The following PIN4 variants were observed in gnomAD, a reference collection of about 807,000 sequenced individuals.
The protein encoded by PIN4 is peptidylprolyl cis/trans isomerase, NIMA-interacting 4, also known as peptidyl-prolyl cis-trans isomerase NIMA-interacting 4.
In PIN4, 3 loss-of-function variants were observed where a neutral mutation model predicts 8.3. The observed-to-expected ratio is 0.36, with a 90% CI of 0.16 to 0.93. PIN4 has a LOEUF of 0.93. Among genes scored for constraint, PIN4 ranks in the 40% least tolerant of loss-of-function variants. PIN4 has a pLI of 0.44. For synonymous variants in PIN4, 18 were observed against 32.5 expected, an observed-to-expected ratio of 0.55 and a Z score of 1.52; for missense variants, 75 against 100.6, an observed-to-expected ratio of 0.75 and a Z score of 1.09.
intron 3 of PIN4, among the ~76,000 whole-genome samples, chrX:72,232,772 T>G (rs1195389930): frequency 9.0e-6 from 1 of 111,541 alleles, no homozygotes; most frequent in East Asian, 2.8e-4. Context: ...ATCGCGTCAT[T>G]GTACTCCAGC....
At chrX:72,236,693 T>C (rs1356278627) in intron 3 of PIN4, among the ~76,000 whole-genome samples, 1 of 112,275 alleles carries the variant, frequency 8.9e-6, no homozygotes, top group Admixed American at 9.5e-5. Flanking sequence ...CAGTAGGTTC[T>C]TGGCAACTGC....
chrX:72,218,006 C>A (rs993456757), intron 3 of PIN4, among the ~76,000 whole-genome samples: 4 of 111,443 alleles, frequency 3.6e-5, no homozygotes, highest in Non-Finnish European at 5.6e-5. Flanking sequence ...CGCGGTGGCT[C>A]ATGCCTGTAA....
intron 3 of PIN4, among the ~76,000 whole-genome samples, chrX:72,235,445 G>A (rs1429068355): frequency 3.9e-5 from 4 of 101,757 alleles, no homozygotes; most frequent in Non-Finnish European, 7.9e-5. Context: ...GCCTAGGCTG[G>A]AGTGCAACGG....
intron 3 of PIN4, among the ~76,000 whole-genome samples, chrX:72,238,426 T>C (rs982918305): frequency 9.0e-6 from 1 of 111,553 alleles, no homozygotes; most frequent in Non-Finnish European, 1.9e-5. Flanking sequence ...ATTATACCTC[T>C]TACAGCACTT....
intron 3 of PIN4, among the ~76,000 whole-genome samples, chrX:72,261,585 G>A (rs144274601): frequency 0.023 from 2,535 of 111,886 alleles, 31 homozygotes; most frequent in Non-Finnish European, 0.031. Context: ...CCCTGGTAGC[G>A]TTGTTGTGAG....
chrX:72,261,020 G>A (rs751062414), intron 3 of PIN4, among the ~76,000 whole-genome samples: 2 of 111,544 alleles, frequency 1.8e-5, no homozygotes, highest in Admixed American at 9.6e-5. Flanking sequence ...AAATTTAGCC[G>A]GGCGCGGTGG....
chrX:72,200,864 C>T (rs948952390), downstream of PIN4, among the ~76,000 whole-genome samples: 5 of 112,107 alleles, frequency 4.5e-5, no homozygotes, highest in African/African-American at 1.6e-4. Context: ...TTGTGCCTTG[C>T]AGCCTTTGGC....
chrX:72,186,116 A>T, intron 1 of PIN4: 2 of 276,648 alleles, frequency 7.2e-6, no homozygotes, highest in South Asian at 7.3e-5. Flanking sequence ...AAGCTTGTCC[A>T]ACCCACGGCC....
chrX:72,262,833 C>A, exon 4 of PIN4: 1 of 767,144 alleles, frequency 1.3e-6, no homozygotes, highest in South Asian at 2.5e-5. Flanking sequence ...CTCATCTATT[C>A]AATGTTGATT....
intron 3 of PIN4, chrX:72,207,359 T>C: frequency 8.3e-7 from 1 of 1,211,650 alleles, no homozygotes; most frequent in East Asian, 3.0e-5. Flanking sequence ...CGCAGCCTCT[T>C]AAGTAGGTCC....
At chrX:72,219,681 CTACTAAAAA>C (rs2042910731) in intron 3 of PIN4, among the ~76,000 whole-genome samples, 2 of 108,882 alleles carry the variant, frequency 1.8e-5, no homozygotes, top group Non-Finnish European at 3.8e-5. Flanking sequence ...AGCCCCGCCT[CTACTAAAAA>C]TACAAAAAAA....
At chrX:72,191,941 G>C (rs574993103) in intron 2 of PIN4, among the ~76,000 whole-genome samples, 6 of 108,819 alleles carry the variant, frequency 5.5e-5, no homozygotes, top group South Asian at 3.9e-4. Flanking sequence ...TAAAATTCGT[G>C]GGTTTTTTTG....
At chrX:72,202,263 C>T (rs1380989220), downstream of PIN4, among the ~76,000 whole-genome samples, 4 of 112,650 alleles carry the variant, frequency 3.6e-5, no homozygotes, top group Non-Finnish European at 7.5e-5. Flanking sequence ...AAATCCCTGC[C>T]ATGGATACTG....
At chrX:72,261,464 C>T (rs992193412) in intron 3 of PIN4, among the ~76,000 whole-genome samples, 7 of 111,760 alleles carry the variant, frequency 6.3e-5, no homozygotes, top group Non-Finnish European at 1.1e-4. Context: ...TCCCTATAAG[C>T]CTCGATTCTA....
At chrX:72,223,302 T>A (rs1383525026) in intron 3 of PIN4, among the ~76,000 whole-genome samples, 1 of 98,730 alleles carries the variant, frequency 1.0e-5, no homozygotes, top group Non-Finnish European at 2.0e-5. Context: ...ATCACGCCAT[T>A]GCACTCCAGC....
chrX:72,250,221 T>C (rs1486289724), intron 3 of PIN4, among the ~76,000 whole-genome samples: 4 of 110,310 alleles, frequency 3.6e-5, no homozygotes, highest in Non-Finnish European at 5.7e-5. Context: ...TATCAAAACA[T>C]AAAGGCACTG....
chrX:72,235,310 A>G (rs2043010026), intron 3 of PIN4, among the ~76,000 whole-genome samples: 1 of 107,523 alleles, frequency 9.3e-6, no homozygotes, highest in Non-Finnish European at 1.9e-5. Flanking sequence ...CCCTTCCCCC[A>G]TCTACCGAGC....
chrX:72,205,075 C>T, intron 3 of PIN4: 1 of 1,210,566 alleles, frequency 8.3e-7, no homozygotes, highest in Non-Finnish European at 1.1e-6. Flanking sequence ...AGGATCTGCA[C>T]TTTTTATGTC....
At chrX:72,221,891 C>T (rs749775297) in intron 3 of PIN4, among the ~76,000 whole-genome samples, 7 of 109,984 alleles carry the variant, frequency 6.4e-5, no homozygotes, top group South Asian at 3.9e-4. Flanking sequence ...GATCCCTTCC[C>T]GCGAAAACCC....
Sources: allele counts gnomAD v4.1 joint callset (sites outside exome capture counted in the v4.1 genomes callset), GRCh38; gene constraint gnomAD v4.1.1; transcripts MANE v1.5; gene names NCBI Gene and HGNC (gene_info 2026-07-23, HGNC 2026-07-21).